The following BRCA1 variants were observed in gnomAD, a reference collection of about 807,000 sequenced individuals.
BRCA1 encodes breast cancer type 1 susceptibility protein.
A neutral mutation model predicts 173.7 loss-of-function variants in BRCA1; 140 were observed. That is an observed-to-expected ratio of 0.81 (90% CI 0.70 to 0.93). The LOEUF (loss-of-function observed/expected upper bound fraction) is 0.93. Ranked by LOEUF, BRCA1 falls within the 40% of genes least tolerant of loss-of-function variation. BRCA1 has a pLI of 0.00. For missense variants in BRCA1, 1,983 were observed against 2,172.5 expected (o/e 0.91, Z 1.73); for synonymous variants, 662 against 756.0 (o/e 0.88, Z 2.04).
intron 11 of BRCA1, among the ~76,000 whole-genome samples, chr17:43,090,567 G>A (rs1019753811): frequency 4.6e-5 from 7 of 152,136 alleles, no homozygotes; most frequent in African/African-American, 1.7e-4. Context: ...TAGATGTGGG[G>A]TTTCACCATG....
chr17:43,061,648 T>C (rs1597816758), intron 18 of BRCA1, among the ~76,000 whole-genome samples: 1 of 151,752 alleles, frequency 6.6e-6, no homozygotes, highest in East Asian at 1.9e-4. Flanking sequence ...AGTGGTGCAA[T>C]CTAGGCTCAC....
At chr17:43,157,428 G>A (rs1387941462) in intron 1 of BRCA1, among the ~76,000 whole-genome samples, 15 of 152,150 alleles carry the variant, frequency 9.9e-5, no homozygotes, top group African/African-American at 3.1e-4. Context: ...GGCCTGGCGC[G>A]GAGGCTCACG....
At chr17:43,141,520 T>TA (rs1181576713) in intron 1 of BRCA1, among the ~76,000 whole-genome samples, 3 of 150,840 alleles carry the variant, frequency 2.0e-5, no homozygotes, top group East Asian at 2.0e-4. Context: ...TTTTGTTATA[T>TA]AAAAAAAAAT....
At chr17:43,081,022 T>C (rs1168218967) in intron 12 of BRCA1, among the ~76,000 whole-genome samples, 1 of 152,178 alleles carries the variant, frequency 6.6e-6, no homozygotes, top group Non-Finnish European at 1.5e-5. Context: ...TCCAAAACAA[T>C]TCAGAAATTA....
intron 1 of BRCA1, among the ~76,000 whole-genome samples, chr17:43,152,325 A>C (rs2056166840): frequency 2.0e-5 from 3 of 151,870 alleles, no homozygotes; most frequent in African/African-American, 7.3e-5. Context: ...TTACACTTCC[A>C]CTCCACCTAC....
At position 43,094,621 on chromosome 17, in the gene BRCA1, A is replaced by T. The variant is rs1567801570; in HGVS notation, c.910T>A (p.Phe304Ile). The change falls in exon 10 of 23, where the codon TTC becomes ATC. Residue 304 changes from phenylalanine to isoleucine, a missense_variant. Phe to Ile is a conservative substitution (Grantham distance 21, BLOSUM62 0). Transcript: ENST00000357654. The stretch of plus-strand genomic sequence containing the variant: ...CCAGGCTGTTTGCTTTTATTACAGA[A>T]TTCAGCCTTTTCTACATTCATTCTG... ...KDRMNVEKAE[F>I]CNKSKQPGLA... The T allele has an allele frequency of 6.2e-7, 1 of 1,614,104 alleles. No homozygotes were observed. Among genetic ancestry groups the T allele is most frequent in the Non-Finnish European group, 8.5e-7 (1 of 1,180,028 alleles).
intron 19 of BRCA1, among the ~76,000 whole-genome samples, chr17:43,052,807 ACACACACACACACACACT>A (rs1411255773): frequency 2.4e-4 from 29 of 119,604 alleles, no homozygotes; most frequent in African/African-American, 4.0e-4. Flanking sequence ...ACACACACAC[ACACACACACACACACACT>A]CTCTTACTTT....
chr17:43,059,351 C>T (rs142638930), intron 18 of BRCA1, among the ~76,000 whole-genome samples: 1 of 152,112 alleles, frequency 6.6e-6, no homozygotes, highest in Admixed American at 6.6e-5. Flanking sequence ...GTAATCCCAG[C>T]TACTCGGGAG....
chr17:43,099,733 CAG>C (rs757892853), intron 7 of BRCA1, 40 bp downstream of exon 7: 34 of 1,499,114 alleles, frequency 2.3e-5, no homozygotes, highest in Non-Finnish European at 1.9e-6. Flanking sequence ...ATAAGGAATC[CAG>C]CAATTATTAT....
At chr17:43,057,393 C>A (rs1380438650) in intron 18 of BRCA1, among the ~76,000 whole-genome samples, 1 of 152,066 alleles carries the variant, frequency 6.6e-6, no homozygotes, top group Admixed American at 6.6e-5. Context: ...CACCTGTAAT[C>A]CCAGCTACTT....
At chr17:43,115,327 C>G (rs992420730) in intron 3 of BRCA1, among the ~76,000 whole-genome samples, 3 of 151,912 alleles carry the variant, frequency 2.0e-5, no homozygotes, top group Non-Finnish European at 4.4e-5. Flanking sequence ...TATGGTGAAA[C>G]CTTATCTCTA....
intron 1 of BRCA1, chr17:43,145,174 T>G: frequency 1.4e-6 from 1 of 708,164 alleles, no homozygotes; most frequent in Admixed American, 1.8e-5. Flanking sequence ...TAAAGAAGAT[T>G]TACCTGCAGA....
At chr17:43,110,256 G>T (rs1013744981) in intron 3 of BRCA1, among the ~76,000 whole-genome samples, 15 of 152,040 alleles carry the variant, frequency 9.9e-5, no homozygotes, top group African/African-American at 3.6e-4. Flanking sequence ...AAACTTAAAA[G>T]AAAATGAACT....
At chr17:43,050,016 T>C (rs2051140746) in intron 20 of BRCA1, 4 of 398,368 alleles carry the variant, frequency 1.0e-5, no homozygotes, top group Admixed American at 4.4e-5. Context: ...GGAAATTTCA[T>C]AAAAATCCAA....
chr17:43,078,997 T>C (rs1244942861), intron 12 of BRCA1, among the ~76,000 whole-genome samples: 3 of 152,108 alleles, frequency 2.0e-5, no homozygotes, highest in Non-Finnish European at 4.4e-5. Context: ...GTCAGGAGTT[T>C]GAGACCAGCC....
At chr17:43,059,469 CACAACAACAACAACAACA>C (rs746155740) in intron 18 of BRCA1, among the ~76,000 whole-genome samples, 3 of 147,440 alleles carry the variant, frequency 2.0e-5, no homozygotes, top group East Asian at 2.0e-4. Context: ...GAGATGCTGT[CACAACAACAACAACAACA>C]ACAACAACAA....
intron 4 of BRCA1, 86 bp from the exon 5 acceptor site, chr17:43,105,042 A>G (rs768857035): frequency 6.3e-6 from 7 of 1,108,180 alleles, no homozygotes; most frequent in Non-Finnish European, 9.5e-6. Flanking sequence ...CATGTAAACA[A>G]ATAAAAATAA....
At chr17:43,145,796 A>G (rs1389900929) in intron 1 of BRCA1, among the ~76,000 whole-genome samples, 1 of 151,914 alleles carries the variant, frequency 6.6e-6, no homozygotes, top group African/African-American at 2.4e-5. Flanking sequence ...CAACCAGAAA[A>G]TTGTGTAGGA....
chr17:43,141,692 G>T (rs973687392), intron 1 of BRCA1, among the ~76,000 whole-genome samples: 72 of 149,238 alleles, frequency 4.8e-4, no homozygotes, highest in African/African-American at 1.7e-3. Context: ...GGCACCTGTA[G>T]TCCCAGCTAC....
Sources: gnomAD v4.1 joint callset for allele counts (sites outside exome capture counted in the v4.1 genomes callset) on GRCh38, gnomAD v4.1.1 for gene constraint, MANE v1.5 for transcripts, NCBI Gene and HGNC (gene_info 2026-07-23, HGNC 2026-07-21) for gene names.